Variants in MED16 observed in about 807,000 individuals in gnomAD.
MED16 encodes the protein mediator complex subunit 16, also known as mediator of RNA polymerase II transcription subunit 16.
In MED16, 81 loss-of-function variants were observed where a neutral mutation model predicts 84.4. The ratio of observed to expected loss-of-function variants is 0.96; its 90% CI spans 0.80 to 1.15. The LOEUF is 1.15. Among genes scored for constraint, MED16 ranks in the 50% most tolerant of loss-of-function variants. The pLI is 0.00. For missense variants in MED16, 1,585 were observed against 1,245.9 expected (o/e 1.27, Z -4.10); for synonymous variants, 897 against 552.2 (o/e 1.62, Z -8.76).
rs554123086 is a variant in MED16, at chr19:868,658, T to G, written c.2400-159A>C. ...ACAGGGCCTCTGCCCATGCTTCTCC[T>G]CCCCCCAGCAATGCTGCTCCCTGAA... On this transcript the variant is annotated intron_variant, in intron 14 of 15. Transcript: ENST00000325464. 8.6e-5 allele frequency among the ~76,000 whole-genome samples: 13 copies of G among 150,760 alleles called. No individual in the cohort carries two copies. The South Asian group carries it at 2.7e-3, about 32-fold the overall frequency.
At chr19:868,576 G>A (rs1284318038) in intron 14 of MED16, 77 bp from the exon 15 acceptor site, 11 of 1,566,810 alleles carry the variant, frequency 7.0e-6, no homozygotes, top group Non-Finnish European at 4.3e-6. Flanking sequence ...TTTGCTTCCA[G>A]GCAGGTCTCC....
intron 6 of MED16, among the ~76,000 whole-genome samples, chr19:883,182 G>C (rs1033707676): frequency 2.0e-5 from 3 of 152,228 alleles, no homozygotes; most frequent in Admixed American, 6.5e-5. Flanking sequence ...AAGCTGCTAA[G>C]TGGGGATGTG....
chr19:877,575 G>GCAGGGGCTGGC (rs1349449570), intron 8 of MED16, among the ~76,000 whole-genome samples: 20 of 88,738 alleles, frequency 2.3e-4, no homozygotes, highest in Non-Finnish European at 4.7e-4. Flanking sequence ...GGCAGCGCAG[G>GCAGGGGCTGGC]CAGGGGCTGG....
intron 8 of MED16, among the ~76,000 whole-genome samples, chr19:877,778 C>T (rs2036289631): frequency 1.4e-5 from 1 of 73,110 alleles, no homozygotes; most frequent in Admixed American, 1.2e-4. Context: ...AGCCCCAGCC[C>T]CAGCCCCAGC....
At chr19:889,056 C>CA (rs1340851348) in intron 4 of MED16, among the ~76,000 whole-genome samples, 1 of 146,554 alleles carries the variant, frequency 6.8e-6, no homozygotes, top group African/African-American at 2.6e-5. Context: ...AACTGTCCCC[C>CA]CCAACCCTGG....
chr19:873,729 T>C (rs1002998605), intron 10 of MED16, 147 bp from the exon 11 acceptor site: 3 of 973,472 alleles, frequency 3.1e-6, no homozygotes, highest in East Asian at 2.6e-5. Context: ...AAGGGGGCGA[T>C]GGCGTTGCCG....
chr19:874,824 T>C (rs749163294), intron 10 of MED16, among the ~76,000 whole-genome samples: 3 of 151,604 alleles, frequency 2.0e-5, no homozygotes, highest in Non-Finnish European at 4.4e-5. Flanking sequence ...GAGCTGGGAC[T>C]GCGTCACCGT....
At chr19:877,567 C>T (rs1170198826) in intron 8 of MED16, among the ~76,000 whole-genome samples, 1 of 90,096 alleles carries the variant, frequency 1.1e-5, no homozygotes, top group African/African-American at 4.9e-5. Flanking sequence ...ACAGACAAGG[C>T]AGCGCAGGCA....
At chr19:890,846 GGTGA>G in intron 2 of MED16, 113 bp downstream of exon 2, 1 of 1,136,896 alleles carries the variant, frequency 8.8e-7, no homozygotes, top group Non-Finnish European at 1.2e-6. Context: ...GGAGGGCCAG[GGTGA>G]GTGAGAGGTG....
chr19:883,219 GTAGGAAC>G (rs2036455634), intron 6 of MED16, among the ~76,000 whole-genome samples: 1 of 151,946 alleles, frequency 6.6e-6, no homozygotes, highest in African/African-American at 2.4e-5. Context: ...GCTGGGCATG[GTAGGAAC>G]CGAAGCCTGG....
Position 875,260 on chromosome 19 carries a change from G to C in MED16, c.1755C>G (p.Thr585=), listed in dbSNP as rs1248470792. The C allele has an allele frequency of 1.2e-6, 2 of 1,610,306 alleles. No individual in the cohort carries two copies. The highest frequency in any genetic ancestry group is 1.7e-4 in the Middle Eastern group (1 of 6,042). Residue 585 remains threonine (T), a synonymous_variant, in exon 10 of 16, where the codon ACC becomes ACG. Coordinates refer to ENST00000325464, the MANE Select transcript of MED16 (RefSeq NM_005481.3). ...SPGDRLTEIC[T]KITDVDIDKV... ...AGGACCCACCGACGTCGGTGATCTT[G>C]GTGCAGATCTCGGTCAGCCGGTCGC...
At chr19:882,589 G>T (rs577485739) in intron 6 of MED16, among the ~76,000 whole-genome samples, 16 of 152,314 alleles carry the variant, frequency 1.1e-4, no homozygotes, top group African/African-American at 3.8e-4. Flanking sequence ...GGCTGCATGT[G>T]GGACACGGAG....
At chr19:875,567 C>T in intron 9 of MED16, 113 bp from the exon 10 acceptor site, 1 of 825,102 alleles carries the variant, frequency 1.2e-6, no homozygotes, top group South Asian at 1.8e-5. Context: ...GTCAGCTGGG[C>T]AAGCTGCTTC....
intron 11 of MED16, among the ~76,000 whole-genome samples, chr19:872,679 C>T (rs938304839): frequency 1.3e-4 from 20 of 151,494 alleles, no homozygotes; most frequent in African/African-American, 4.8e-4. Flanking sequence ...GGTTGGAGCC[C>T]TGGTCAGGGG....
At chr19:882,473 A>C (rs2036440289) in intron 6 of MED16, among the ~76,000 whole-genome samples, 1 of 152,194 alleles carries the variant, frequency 6.6e-6, no homozygotes, top group African/African-American at 2.4e-5. Context: ...GCAGTGAGCC[A>C]AGATCACGCC....
chr19:888,179 G>A (rs1449507746), intron 4 of MED16, among the ~76,000 whole-genome samples: 1 of 151,748 alleles, frequency 6.6e-6, no homozygotes, highest in African/African-American at 2.4e-5. Context: ...ACTCCAGCCT[G>A]GGCAACAGAG....
chr19:868,659 C>T (rs1054200631), intron 14 of MED16, among the ~76,000 whole-genome samples, 160 bp from the exon 15 acceptor site: 2 of 152,148 alleles, frequency 1.3e-5, no homozygotes, highest in Non-Finnish European at 2.9e-5. Flanking sequence ...TGCTTCTCCT[C>T]CCCCCAGCAA....
In MED16 at chr19:875,397, T is replaced by C. The variant is rs756786376; in HGVS notation, c.1618A>G (p.Thr540Ala). The change falls in exon 10 of 16, where the codon ACG becomes GCG. Residue 540 changes from threonine (T) to alanine (A), a missense_variant. Thr to Ala is a moderately conservative substitution (Grantham distance 58, BLOSUM62 0). Coordinates refer to ENST00000325464, the MANE Select transcript of MED16 (RefSeq NM_005481.3). ...KASLCKLSPC[T>A]VTRVCDYHTK... is the part of the protein sequence containing the mutation. Reference sequence around the variant, plus strand: ...TGGTAGTCGCACACGCGGGTCACCGTGCAGGGCGACAGCTTGCAGAGCGAG... The same window carrying C: ...TGGTAGTCGCACACGCGGGTCACCGCGCAGGGCGACAGCTTGCAGAGCGAG... 1 of 1,608,028 alleles carries C rather than the reference T, an allele frequency of 6.2e-7. No homozygotes were observed. Among genetic ancestry groups the C allele is most frequent in the East Asian group, 2.2e-5 (1 of 44,878 alleles).
chr19:880,433 C>T (rs2036396201), intron 7 of MED16, among the ~76,000 whole-genome samples: 1 of 152,200 alleles, frequency 6.6e-6, no homozygotes, highest in Non-Finnish European at 1.5e-5. Context: ...CCTCAAGGAG[C>T]GCAGGGGAGG....
Sources: gnomAD v4.1 joint callset for allele counts (sites outside exome capture counted in the v4.1 genomes callset) on GRCh38, gnomAD v4.1.1 for gene constraint, MANE v1.5 for transcripts, NCBI Gene and HGNC (gene_info 2026-07-23, HGNC 2026-07-21) for gene names.